The following CDH2 variants were observed in gnomAD, a reference collection of about 807,000 sequenced individuals.
CDH2 encodes cadherin-2.
In CDH2, 17 loss-of-function variants were observed where a neutral mutation model predicts 92.0. The observed-to-expected ratio is 0.18, with a 90% CI of 0.13 to 0.28. The LOEUF is 0.28. Among genes scored for constraint, CDH2 ranks in the 10% least tolerant of loss-of-function variants. The probability of loss-of-function intolerance (pLI) is 1.00; values close to 1 mark genes in which losing one functional copy is unlikely to be tolerated. For synonymous variants in CDH2, 419 were observed against 415.9 expected (o/e 1.01, Z -0.09); for missense variants, 862 against 1,133.1 (o/e 0.76, Z 3.44).
At chr18:27,973,836 G>A (rs139050242) in intron 14 of CDH2, among the ~76,000 whole-genome samples, 40 of 152,282 alleles carry the variant, frequency 2.6e-4, no homozygotes, top group African/African-American at 8.9e-4. Flanking sequence ...GTCATGTAGT[G>A]ATTGCATGGA....
At chr18:28,163,338 A>C (rs959721890) in intron 1 of CDH2, among the ~76,000 whole-genome samples, 3 of 152,244 alleles carry the variant, frequency 2.0e-5, no homozygotes, top group African/African-American at 7.2e-5. Flanking sequence ...CATACCTTGC[A>C]ATCTAGCAAT....
intron 2 of CDH2, among the ~76,000 whole-genome samples, chr18:28,064,102 T>A (rs1194121455): frequency 1.3e-5 from 2 of 148,682 alleles, no homozygotes. Context: ...GAGAAACATC[T>A]GGAAATCTCT....
intron 2 of CDH2, among the ~76,000 whole-genome samples, chr18:28,024,585 A>G (rs1289416372): frequency 3.3e-5 from 5 of 151,524 alleles, no homozygotes; most frequent in Admixed American, 6.6e-5. Context: ...TTAGTAATTA[A>G]AAGTTAAAAA....
chr18:28,106,510 C>A (rs868541474), intron 2 of CDH2, among the ~76,000 whole-genome samples: 5 of 146,286 alleles, frequency 3.4e-5, no homozygotes, highest in African/African-American at 1.0e-4. Flanking sequence ...GATGGTTTGT[C>A]TTTATCATCA....
At chr18:28,001,887 G>A (rs1161345025) in intron 7 of CDH2, among the ~76,000 whole-genome samples, 1 of 152,138 alleles carries the variant, frequency 6.6e-6, no homozygotes, top group Non-Finnish European at 1.5e-5. Context: ...CAAAAAACAC[G>A]AACTTCTAAA....
At position 27,975,495 on chromosome 18, in the gene CDH2, G is replaced by A. The variant is rs8083031; in HGVS notation, c.2349+7449C>T. Among the ~76,000 whole-genome samples, 321 of 152,378 alleles carry A rather than the reference G, an allele frequency of 2.1e-3. 2 individuals carry two copies. Among genetic ancestry groups the A allele is most frequent in the African/African-American group, 7.4e-3 (307 of 41,596 alleles). ...TGTGGGAGGGAGCGCACAGGTGAGTGAGCACGGGAACCAGCCGGCCACTTT... is the reference window on the plus strand; with the variant it reads ...TGTGGGAGGGAGCGCACAGGTGAGTAAGCACGGGAACCAGCCGGCCACTTT... On this transcript the variant is annotated intron_variant, in intron 14 of 15. Transcript: ENST00000269141.
chr18:28,025,812 T>C (rs2013538184), intron 2 of CDH2, among the ~76,000 whole-genome samples: 3 of 152,010 alleles, frequency 2.0e-5, no homozygotes, highest in Admixed American at 1.3e-4. Flanking sequence ...ATATATTTAG[T>C]AGTGCATATA....
rs1567963347 is a variant in CDH2, at chr18:28,011,840, C to T, written c.546+6G>A. 2 of 1,613,700 alleles carry T rather than the reference C, an allele frequency of 1.2e-6. No homozygotes were observed. The highest frequency in any genetic ancestry group is 8.5e-7 in the Non-Finnish European group (1 of 1,179,724). On this transcript the variant is annotated splice_donor_region_variant and intron_variant, in intron 4 of 15. Transcript: ENST00000269141. Reference sequence around the variant, plus strand: ...TATGAAAACAGTTAAAATTGTGCCACCTTACCCTGACAAGCTCTTGAGGAA... The same window carrying T: ...TATGAAAACAGTTAAAATTGTGCCATCTTACCCTGACAAGCTCTTGAGGAA...
intron 2 of CDH2, chr18:28,097,379 A>ATTT (rs1371131689): frequency 6.6e-6 from 1 of 151,738 alleles, no homozygotes; most frequent in African/African-American, 2.4e-5. Context: ...TTTTTAAAAA[A>ATTT]AAAAAAAAAA....
chr18:28,104,820 T>A (rs935031736), intron 2 of CDH2, among the ~76,000 whole-genome samples: 2 of 151,892 alleles, frequency 1.3e-5, no homozygotes, highest in African/African-American at 4.8e-5. Context: ...TACTGAATTA[T>A]GCTTAATTCT....
chr18:27,974,478 T>C (rs1287744283), intron 14 of CDH2, among the ~76,000 whole-genome samples: 1 of 152,224 alleles, frequency 6.6e-6, no homozygotes, highest in Non-Finnish European at 1.5e-5. Context: ...CAAGAAAACA[T>C]AGTCATGGAC....
Position 28,111,753 on chromosome 18 carries a change from C to T in CDH2, c.172+35920G>A, listed in dbSNP as rs189013299. Among the ~76,000 whole-genome samples, 213 of 152,194 alleles carry T rather than the reference C, an allele frequency of 1.4e-3. 1 individual carries two copies. Among genetic ancestry groups the T allele is most frequent in the African/African-American group, 5.0e-3 (209 of 41,506 alleles). ...CATTCACCTGTTTAAACCCAGTATA[C>T]TAATATGCAACAGGGAAAGATTAAG... On this transcript the variant is annotated intron_variant, in intron 2 of 15. Transcript: ENST00000269141.
At chr18:28,118,429 C>A (rs2015531497) in intron 2 of CDH2, among the ~76,000 whole-genome samples, 1 of 152,018 alleles carries the variant, frequency 6.6e-6, no homozygotes, top group Non-Finnish European at 1.5e-5. Flanking sequence ...AAATAATCAA[C>A]CTATTTTCAA....
chr18:28,089,286 A>G (rs117907096), intron 2 of CDH2, among the ~76,000 whole-genome samples: 1 of 152,344 alleles, frequency 6.6e-6, no homozygotes, highest in Non-Finnish European at 1.5e-5. Flanking sequence ...GACCTCAAAT[A>G]AAAGAGTGAT....
chr18:28,060,253 C>A (rs997036058), intron 2 of CDH2, among the ~76,000 whole-genome samples: 1 of 152,266 alleles, frequency 6.6e-6, no homozygotes, highest in Middle Eastern at 3.4e-3. Context: ...GTGGCACAAT[C>A]TCGGTTCACT....
intron 2 of CDH2, among the ~76,000 whole-genome samples, chr18:28,122,095 C>G (rs572715154): frequency 6.6e-6 from 1 of 152,152 alleles, no homozygotes; most frequent in East Asian, 1.9e-4. Context: ...AAGTTTTAGG[C>G]TCCTTTCTCT....
chr18:28,082,012 A>G (rs912223604), intron 2 of CDH2, among the ~76,000 whole-genome samples: 2 of 152,202 alleles, frequency 1.3e-5, no homozygotes, highest in African/African-American at 4.8e-5. Flanking sequence ...TCCAAGCTTA[A>G]GTTCATAGCC....
chr18:28,055,519 T>A (rs922565945), intron 2 of CDH2, among the ~76,000 whole-genome samples: 1 of 152,188 alleles, frequency 6.6e-6, no homozygotes, highest in Non-Finnish European at 1.5e-5. Flanking sequence ...ATTTGGAGAC[T>A]GGCAAATGAA....
intron 3 of CDH2, among the ~76,000 whole-genome samples, chr18:28,012,742 G>A (rs1216206395): frequency 6.6e-6 from 1 of 151,990 alleles, no homozygotes; most frequent in East Asian, 1.9e-4. Context: ...TCCCTCAACA[G>A]TTAATAGATT....
Sources: gnomAD v4.1 joint callset for allele counts (sites outside exome capture counted in the v4.1 genomes callset) on GRCh38, gnomAD v4.1.1 for gene constraint, MANE v1.5 for transcripts, NCBI Gene and HGNC (gene_info 2026-07-23, HGNC 2026-07-21) for gene names.